The following MELK variants were observed in gnomAD, a reference collection of about 807,000 sequenced individuals.
The protein encoded by MELK is pEg3 kinase.
MELK carries 81 observed loss-of-function variants against 85.0 expected under a neutral mutation model. The ratio of observed to expected loss-of-function variants is 0.95; its 90% confidence interval spans 0.80 to 1.15. MELK has a LOEUF of 1.15. Ranked by LOEUF, MELK falls within the 50% of genes most tolerant of loss-of-function variation. The pLI is 0.00. For missense variants in MELK, 754 were observed against 777.5 expected (o/e 0.97, Z 0.36); for synonymous variants, 252 against 265.0 (o/e 0.95, Z 0.48).
chr9:36,573,869 A>T (rs2134635832), intron 1 of MELK, among the ~76,000 whole-genome samples: 1 of 152,308 alleles, frequency 6.6e-6, no homozygotes, highest in East Asian at 1.9e-4. Context: ...GCTCCCACCA[A>T]GAAACCTGGT....
chr9:36,664,178 C>A (rs1049970630), intron 13 of MELK, among the ~76,000 whole-genome samples: 1 of 151,986 alleles, frequency 6.6e-6, no homozygotes, highest in African/African-American at 2.4e-5. Flanking sequence ...TTTTTCAAAT[C>A]TATTTGAACA....
chr9:36,600,099 G>GTT (rs10713474), intron 7 of MELK, among the ~76,000 whole-genome samples: 3 of 145,202 alleles, frequency 2.1e-5, no homozygotes, highest in Non-Finnish European at 4.6e-5. Flanking sequence ...GTTTTGTTTT[G>GTT]TTTTTTTTTT....
At chr9:36,659,772 T>C (rs1831611455) in intron 13 of MELK, among the ~76,000 whole-genome samples, 1 of 152,170 alleles carries the variant, frequency 6.6e-6, no homozygotes. Context: ...AGGTGAGATC[T>C]TAGATCCTTC....
At chr9:36,663,485 G>A (rs762172249) in intron 13 of MELK, among the ~76,000 whole-genome samples, 1 of 152,180 alleles carries the variant, frequency 6.6e-6, no homozygotes, top group African/African-American at 2.4e-5. Context: ...GCTGAATAAT[G>A]TACATCGCAC....
intron 9 of MELK, 141 bp downstream of exon 9, chr9:36,630,508 CT>C: frequency 3.1e-6 from 2 of 640,026 alleles, no homozygotes; most frequent in Non-Finnish European, 5.4e-6. Flanking sequence ...CTATTAGATC[CT>C]TTCTTAATTA....
intron 8 of MELK, among the ~76,000 whole-genome samples, chr9:36,621,203 C>T (rs1056109467): frequency 7.6e-6 from 1 of 131,144 alleles, no homozygotes; most frequent in Admixed American, 9.2e-5. Context: ...ACCTGGGAGG[C>T]GGAGGTTGCC....
intron 11 of MELK, among the ~76,000 whole-genome samples, chr9:36,650,570 C>T (rs892975720): frequency 4.6e-5 from 7 of 152,226 alleles, no homozygotes; most frequent in African/African-American, 1.7e-4. Flanking sequence ...GAATTCTCTG[C>T]TTAACCAAAT....
intron 8 of MELK, among the ~76,000 whole-genome samples, chr9:36,610,841 C>T (rs1825997829): frequency 6.6e-6 from 1 of 152,152 alleles, no homozygotes; most frequent in African/African-American, 2.4e-5. Context: ...TTAGGTTGGC[C>T]TCTTGAATTC....
At chr9:36,612,570 A>G (rs1826162087) in intron 8 of MELK, among the ~76,000 whole-genome samples, 1 of 151,946 alleles carries the variant, frequency 6.6e-6, no homozygotes, top group Non-Finnish European at 1.5e-5. Context: ...TGTTTAGTAG[A>G]GATGAGGTTT....
At chr9:36,594,480 G>A in intron 4 of MELK, 148 bp from the exon 5 acceptor site, 1 of 773,544 alleles carries the variant, frequency 1.3e-6, no homozygotes. Context: ...GATCCTGAGA[G>A]TGTACTTTTG....
chr9:36,625,626 A>T (rs1272161269), intron 8 of MELK, among the ~76,000 whole-genome samples: 5 of 152,202 alleles, frequency 3.3e-5, no homozygotes, highest in Non-Finnish European at 7.3e-5. Context: ...GCTGTAGTTC[A>T]AAAACAAACT....
At chr9:36,638,855 A>C (rs1829467898) in intron 10 of MELK, among the ~76,000 whole-genome samples, 1 of 152,254 alleles carries the variant, frequency 6.6e-6, no homozygotes, top group African/African-American at 2.4e-5. Context: ...AGAATCATTA[A>C]GTAACTTGCC....
chr9:36,648,370 CAG>C (rs1830408433), intron 11 of MELK, among the ~76,000 whole-genome samples: 1 of 152,148 alleles, frequency 6.6e-6, no homozygotes, highest in African/African-American at 2.4e-5. Context: ...GCTCAGGAAT[CAG>C]AGGTACCAGG....
At chr9:36,659,265 C>T (rs920244912) in intron 13 of MELK, among the ~76,000 whole-genome samples, 1 of 152,164 alleles carries the variant, frequency 6.6e-6, no homozygotes, top group African/African-American at 2.4e-5. Context: ...ATCTGCCTGC[C>T]TTAGCCTCCC....
intron 6 of MELK, among the ~76,000 whole-genome samples, chr9:36,597,736 C>T (rs888014202): frequency 2.6e-5 from 4 of 152,184 alleles, no homozygotes; most frequent in Admixed American, 2.0e-4. Context: ...ATCCGCTTTC[C>T]TTTTAAAAGA....
chr9:36,590,746 A>G (rs972197875), intron 4 of MELK, among the ~76,000 whole-genome samples: 1 of 152,092 alleles, frequency 6.6e-6, no homozygotes, highest in Non-Finnish European at 1.5e-5. Flanking sequence ...TTTGCACATG[A>G]TTTTCACAGG....
chr9:36,593,108 A>AT (rs1194008771), intron 4 of MELK, among the ~76,000 whole-genome samples: 1 of 150,104 alleles, frequency 6.7e-6, no homozygotes, highest in African/African-American at 2.4e-5. Context: ...GTAAGCCACT[A>AT]TATCAATCTA....
At chr9:36,581,353 T>A (rs968203850) in intron 1 of MELK, among the ~76,000 whole-genome samples, 1 of 151,938 alleles carries the variant, frequency 6.6e-6, no homozygotes, top group African/African-American at 2.4e-5. Flanking sequence ...AATATATTAA[T>A]TTTTTTCATT....
chr9:36,656,157 C>T (rs1831220644), intron 12 of MELK, among the ~76,000 whole-genome samples: 1 of 152,156 alleles, frequency 6.6e-6, no homozygotes, highest in African/African-American at 2.4e-5. Flanking sequence ...CCCCAAATGT[C>T]CTATCCCTAG....
Sources: allele counts gnomAD v4.1 joint callset (sites outside exome capture counted in the v4.1 genomes callset), GRCh38; gene constraint gnomAD v4.1.1; transcripts MANE v1.5; gene names NCBI Gene and HGNC (gene_info 2026-07-23, HGNC 2026-07-21).